UBE2U: variants seen among roughly 807,000 people sequenced by gnomAD.
UBE2U encodes the protein ubiquitin-conjugating enzyme E2 U.
Under a neutral mutation model 41.2 loss-of-function variants are expected in UBE2U, and 39 were observed. The observed-to-expected ratio is 0.95, with a 90% CI of 0.73 to 1.24. The LOEUF (loss-of-function observed/expected upper bound fraction) is 1.24, where lower values mean the gene tolerates loss of function less well. Among genes scored for constraint, UBE2U ranks in the 50% most tolerant of loss-of-function variants. The pLI is 0.00. For missense variants in UBE2U, 336 were observed against 363.1 expected (o/e 0.93, Z 0.61); for synonymous variants, 107 against 117.8 (o/e 0.91, Z 0.60).
intron 8 of UBE2U, among the ~76,000 whole-genome samples, chr1:64,250,976 A>G (rs904011949): frequency 1.7e-4 from 26 of 151,692 alleles, no homozygotes; most frequent in Non-Finnish European, 3.2e-4. Context: ...TGACGAGTTA[A>G]TGGGTGCAGC....
intron 6 of UBE2U, among the ~76,000 whole-genome samples, chr1:64,221,129 G>A (rs986706276): frequency 2.0e-5 from 3 of 151,898 alleles, no homozygotes; most frequent in Non-Finnish European, 2.9e-5. Context: ...TTTTTCTTCT[G>A]AGATGGAGTT....
At chr1:64,250,831 T>C (rs1009696127) in intron 8 of UBE2U, among the ~76,000 whole-genome samples, 1 of 146,448 alleles carries the variant, frequency 6.8e-6, no homozygotes, top group Non-Finnish European at 1.5e-5. Context: ...CCAAACACCA[T>C]ATGTTCTCAC....
At chr1:64,250,903 A>G (rs867102025) in intron 8 of UBE2U, among the ~76,000 whole-genome samples, 19 of 112,472 alleles carry the variant, frequency 1.7e-4, no homozygotes, top group Middle Eastern at 0.013. Flanking sequence ...TCACACACCA[A>G]GGCCTGTCGT....
At position 64,206,925 on chromosome 1, in the gene UBE2U, A is replaced by G. The variant is rs955383876; in HGVS notation, c.241+69A>G. The G allele has an allele frequency of 5.4e-6, 5 of 923,292 alleles. No homozygotes were observed. In the African/African-American group the frequency reaches 8.6e-5, roughly 16 times the overall value. 57.2% of individuals were successfully genotyped at this position (923,292 alleles called of 1,614,324 possible). A position where few individuals can be genotyped will look rare whatever the true frequency, so the allele number is the denominator to read the frequency against. ...ATTATCCTTGTTTCTTATAATAATC[A>G]TGTTTCTTTTTAAGAACTTTATTAT... On this transcript the variant is annotated intron_variant, in intron 3 of 9. Transcript: ENST00000371077.
At chr1:64,253,484 T>G (rs1645043365) in intron 8 of UBE2U, among the ~76,000 whole-genome samples, 1 of 151,784 alleles carries the variant, frequency 6.6e-6, no homozygotes, top group Admixed American at 6.6e-5. Flanking sequence ...AAGGTCGAAA[T>G]GAAGGAAAAA....
chr1:64,225,808 G>C (rs1362998120), intron 6 of UBE2U, among the ~76,000 whole-genome samples: 2 of 152,208 alleles, frequency 1.3e-5, no homozygotes, highest in Non-Finnish European at 2.9e-5. Context: ...TACTGAGATG[G>C]AGAAGATTGA....
chr1:64,235,032 G>GA (rs561638760), intron 7 of UBE2U, among the ~76,000 whole-genome samples: 61 of 150,334 alleles, frequency 4.1e-4, no homozygotes, highest in Middle Eastern at 3.4e-3. Context: ...ACTGCTAGAG[G>GA]AAAAAAAAAT....
At chr1:64,216,296 T>C (rs548657548) in intron 5 of UBE2U, among the ~76,000 whole-genome samples, 115 of 152,328 alleles carry the variant, frequency 7.5e-4, no homozygotes, top group African/African-American at 2.7e-3. Context: ...ATGTGTTATA[T>C]ACTCATTTTA....
At chr1:64,261,747 C>T (rs558158721) in intron 9 of UBE2U, among the ~76,000 whole-genome samples, 1 of 152,176 alleles carries the variant, frequency 6.6e-6, no homozygotes, top group Non-Finnish European at 1.5e-5. Flanking sequence ...TTTCCCTACT[C>T]CCCTCTGCAA....
At chr1:64,226,384 G>A (rs1250352637) in intron 6 of UBE2U, among the ~76,000 whole-genome samples, 2 of 152,164 alleles carry the variant, frequency 1.3e-5, no homozygotes, top group Non-Finnish European at 1.5e-5. Context: ...CTGGGAAGGG[G>A]CAGTAGGAAA....
intron 8 of UBE2U, among the ~76,000 whole-genome samples, chr1:64,258,939 C>T (rs749633705): frequency 1.4e-4 from 22 of 152,208 alleles, no homozygotes; most frequent in Non-Finnish European, 2.9e-4. Flanking sequence ...CTCCCACCAA[C>T]AGTGTAAAAG....
chr1:64,239,137 A>AGAGGAAGAGGAAGAAGAAGAGGAAGAG (rs1557730468), intron 7 of UBE2U, among the ~76,000 whole-genome samples: 1 of 28,454 alleles, frequency 3.5e-5, no homozygotes, highest in Non-Finnish European at 6.2e-5. Flanking sequence ...AAGAAGAAGA[A>AGAGGAAGAGGAAGAAGAAGAGGAAGAG]GAAGAAGAAG....
chr1:64,227,994 A>G (rs1428108152), intron 6 of UBE2U, among the ~76,000 whole-genome samples: 3 of 152,210 alleles, frequency 2.0e-5, no homozygotes, highest in African/African-American at 7.2e-5. Flanking sequence ...AATTCTTCCC[A>G]AATTAAACTG....
intron 4 of UBE2U, 65 bp from the exon 5 acceptor site, chr1:64,214,750 G>A (rs1651878348): frequency 2.4e-6 from 3 of 1,229,076 alleles, no homozygotes; most frequent in South Asian, 2.5e-5. Flanking sequence ...GTATATATTG[G>A]TTTGTCGTTT....
chr1:64,267,334 AG>A lies in UBE2U; in HGVS notation c.*127del. ...AAGTTGTTCTCACCCACTCACTGCAAGTACAAATTAGAAATATAAGTACAAA... is the reference window on the plus strand; with the variant it reads ...AAGTTGTTCTCACCCACTCACTGCAATACAAATTAGAAATATAAGTACAAA... On this transcript the variant is annotated 3_prime_UTR_variant, in exon 10 of 10. Coordinates refer to ENST00000371077, the MANE Select transcript of UBE2U (RefSeq NM_001366232.2). The A allele has an allele frequency of 9.6e-6, 7 of 726,696 alleles. No individual in the cohort carries two copies. Among genetic ancestry groups the A allele is most frequent in the Non-Finnish European group, 1.5e-5 (7 of 468,296 alleles). 45.0% of individuals were successfully genotyped at this position (726,696 alleles called of 1,614,324 possible).
chr1:64,239,157 A>AAAAG (rs1644770889), intron 7 of UBE2U, among the ~76,000 whole-genome samples: 10 of 37,064 alleles, frequency 2.7e-4, no homozygotes, highest in African/African-American at 5.1e-4. Flanking sequence ...GAAGAAGAAG[A>AAAAG]AAGAAGAAGA....
chr1:64,252,976 GA>G (rs1205842547), intron 8 of UBE2U, among the ~76,000 whole-genome samples: 1 of 152,138 alleles, frequency 6.6e-6, no homozygotes, highest in African/African-American at 2.4e-5. Flanking sequence ...TGAGCTAAAG[GA>G]ACAGGTTGTA....
intron 8 of UBE2U, among the ~76,000 whole-genome samples, chr1:64,255,541 G>A (rs191710374): frequency 6.6e-6 from 1 of 152,264 alleles, no homozygotes; most frequent in East Asian, 1.9e-4. Context: ...CTGGCCAACT[G>A]AATCTAGCAG....
intron 4 of UBE2U, among the ~76,000 whole-genome samples, chr1:64,211,464 G>A (rs1651657782): frequency 6.6e-6 from 1 of 152,018 alleles, no homozygotes; most frequent in African/African-American, 2.4e-5. Flanking sequence ...TTTTGAGACA[G>A]GATCTTGCTC....
Sources: allele counts gnomAD v4.1 joint callset (sites outside exome capture counted in the v4.1 genomes callset), GRCh38; gene constraint gnomAD v4.1.1; transcripts MANE v1.5; gene names NCBI Gene and HGNC (gene_info 2026-07-23, HGNC 2026-07-21).